CD4: variants seen among roughly 807,000 people sequenced by gnomAD.
The protein encoded by CD4 is CD4 molecule, also known as T-cell surface glycoprotein CD4.
In CD4, 25 loss-of-function variants were observed where a neutral mutation model predicts 50.5. The ratio of observed to expected loss-of-function variants is 0.49; its 90% CI spans 0.36 to 0.69. The LOEUF is 0.69. Among genes scored for constraint, CD4 ranks in the 30% least tolerant of loss-of-function variants. CD4 has a pLI of 0.00. For synonymous variants in CD4, 207 were observed against 221.9 expected (o/e 0.93, Z 0.60); for missense variants, 456 against 548.5 (o/e 0.83, Z 1.68).
In CD4 at chr12:6,800,432, A is replaced by G; in HGVS notation, c.175A>G (p.Ile59Val). Reference sequence around the variant, plus strand: ...ATTCCACTGGAAAAACTCCAACCAGATAAAGATTCTGGGAAATCAGGGCTC... The same window carrying G: ...ATTCCACTGGAAAAACTCCAACCAGGTAAAGATTCTGGGAAATCAGGGCTC... The part of the protein sequence containing the change: ...IQFHWKNSNQ[I>V]KILGNQGSFL... The change falls in exon 3 of 10, where the codon ATA (isoleucine) becomes GTA (valine). Residue 59 changes from isoleucine to valine, a missense_variant. By Grantham distance (29) the Ile-to-Val change is conservative (BLOSUM62 3). Transcript: ENST00000011653. The G allele has an allele frequency of 1.9e-6, 3 of 1,614,074 alleles. No individual in the cohort carries two copies. Among genetic ancestry groups the G allele is most frequent in the Non-Finnish European group, 2.5e-6 (3 of 1,180,004 alleles).
chr12:6,801,911 T>C (rs35496500), intron 3 of CD4, among the ~76,000 whole-genome samples: 1,996 of 146,268 alleles, frequency 0.014, 24 homozygotes, highest in Non-Finnish European at 0.02. Flanking sequence ...CTCGATCTGT[T>C]GCCCAGGCTG....
chr12:6,794,795 T>G (rs1228570725), intron 1 of CD4, among the ~76,000 whole-genome samples: 16 of 141,166 alleles, frequency 1.1e-4, no homozygotes, highest in African/African-American at 3.3e-4. Context: ...TGTTTTTTTT[T>G]TTTTTTTGAG....
chr12:6,818,426 C>A lies in CD4; in HGVS notation c.1162C>A (p.Pro388Thr). The A allele has an allele frequency of 6.2e-7, 1 of 1,612,504 alleles. No individual in the cohort carries two copies. Among genetic ancestry groups the A allele is most frequent in the Non-Finnish European group, 8.5e-7 (1 of 1,179,992 alleles). Reference sequence around the variant, plus strand: ...CACATTTCTCTCCCTTGCAGTTCTGCCCACATGGTCCACCCCGGTGCAGCC... The same window carrying A: ...CACATTTCTCTCCCTTGCAGTTCTGACCACATGGTCCACCCCGGTGCAGCC... ...VLLESNIKVL[P>T]TWSTPVQPMA... Residue 388 changes from proline to threonine, a missense_variant, in exon 8 of 10, where the codon CCC (proline) becomes ACC (threonine). Pro to Thr is a conservative substitution (Grantham distance 38). Transcript: ENST00000011653. This position sits in a 1 kb window ranked among gnomAD's most constrained non-coding sequence, Gnocchi z 5.0.
chr12:6,791,400 G>A lies in CD4; in HGVS notation c.-68+1738G>A, dbSNP rs1229255189. On this transcript the variant is annotated intron_variant, in intron 1 of 9. Transcript: ENST00000011653. ...TGGGATTACAGGAGCCCAACACCAC[G>A]CCCGGCTACTTTTTGTATTTTTAGT... 3.9e-5 allele frequency among the ~76,000 whole-genome samples: 6 copies of A among 152,048 alleles called. No individual in the cohort carries two copies. In the South Asian group the frequency reaches 6.2e-4, roughly 16 times the overall value.
At chr12:6,815,181 A>G in intron 5 of CD4, 189 bp downstream of exon 5, 1 of 574,110 alleles carries the variant, frequency 1.7e-6, no homozygotes, top group Non-Finnish European at 3.1e-6. Flanking sequence ...GCTGATTGGC[A>G]GCCACCCCTC....
In CD4 at chr12:6,819,200, A is replaced by G. The variant is rs1194159622; in HGVS notation, c.1347-99A>G. On this transcript the variant is annotated intron_variant, in intron 9 of 9. Coordinates refer to ENST00000011653, the MANE Select transcript of CD4 (RefSeq NM_000616.5). ...CCAGGAAAGGCCCTGCTGGAAAGCCACTGGAGCTGTGCTGCGCTGGAAAGG... is the reference window on the plus strand; with the variant it reads ...CCAGGAAAGGCCCTGCTGGAAAGCCGCTGGAGCTGTGCTGCGCTGGAAAGG... 2.0e-5 allele frequency: 25 copies of G among 1,228,606 alleles called. No individual in the cohort carries two copies. The Admixed American group carries it at 3.2e-4, about 16-fold the overall frequency. The allele number at this position is 1,228,606 out of a possible 1,614,324, so 76.1% of individuals were successfully genotyped here.
At chr12:6,815,022 C>T (rs782737779) in intron 5 of CD4, 30 bp downstream of exon 5, 1 of 1,477,646 alleles carries the variant, frequency 6.8e-7, no homozygotes, top group Non-Finnish European at 9.4e-7. Context: ...GCGCAGTCTC[C>T]TCCCTGCCCC....
At chr12:6,813,247 G>A (rs1942991342) in intron 3 of CD4, among the ~76,000 whole-genome samples, 4 of 150,428 alleles carry the variant, frequency 2.7e-5, no homozygotes. Context: ...TTTAGAGATG[G>A]GGTTTCGCCA....
intron 1 of CD4, among the ~76,000 whole-genome samples, chr12:6,796,878 G>T (rs1399579538): frequency 6.6e-6 from 1 of 152,072 alleles, no homozygotes; most frequent in East Asian, 1.9e-4. Flanking sequence ...AGCCTCAAAG[G>T]CTTTTCCCAT....
intron 1 of CD4, among the ~76,000 whole-genome samples, chr12:6,791,790 G>T (rs1942170039): frequency 6.6e-6 from 1 of 152,202 alleles, no homozygotes; most frequent in African/African-American, 2.4e-5. Context: ...GCTGAGGTGG[G>T]AGGATTGCTT....
chr12:6,811,499 T>C (rs1555116979), intron 3 of CD4, among the ~76,000 whole-genome samples: 1 of 141,292 alleles, frequency 7.1e-6, no homozygotes, highest in Non-Finnish European at 1.5e-5. Context: ...TTCTTTTTTT[T>C]TTTTTTTTTT....
At chr12:6,805,708 G>A (rs1334128967) in intron 3 of CD4, among the ~76,000 whole-genome samples, 2 of 152,014 alleles carry the variant, frequency 1.3e-5, no homozygotes, top group Non-Finnish European at 2.9e-5. Context: ...ACATAAGAAA[G>A]ATATCAATTT....
Position 6,817,201 on chromosome 12 carries a change from A to C in CD4, c.1027A>C (p.Lys343Gln), listed in dbSNP as rs1943102630. The C allele has an allele frequency of 1.9e-6, 3 of 1,614,004 alleles. No homozygotes were observed. The highest frequency in any genetic ancestry group is 1.7e-6 in the Non-Finnish European group (2 of 1,179,908). The change falls in exon 7 of 10, where the codon AAA becomes CAA. Residue 343 changes from lysine to glutamine, a missense_variant. Physicochemically the swap from Lys to Gln is moderately conservative, Grantham distance 53. Transcript: ENST00000011653. Reference sequence around the variant, plus strand: ...CTCCCCTAAGCTGATGCTGAGTTTGAAACTGGAGAACAAGGAGGCAAAGGT... The same window carrying C: ...CTCCCCTAAGCTGATGCTGAGTTTGCAACTGGAGAACAAGGAGGCAAAGGT... ...PTSPKLMLSL[K>Q]LENKEAKVSK...
rs1292553607 is a variant in CD4 at position 6,815,925 on chromosome 12, G to A, written c.608-131G>A. 2.3e-5 allele frequency: 35 copies of A among 1,523,556 alleles called. No individual in the cohort carries two copies. The African/African-American group carries it at 4.5e-4, about 20-fold the overall frequency. The allele number at this position is 1,523,556 out of a possible 1,614,324, so 94.4% of individuals were successfully genotyped here. ...GAGGTAGGAAGGAACTGAAGTATCT[G>A]AAGTGACAAGGTGGGTGTCTGGACT... On this transcript the variant is annotated intron_variant, in intron 5 of 9. Coordinates refer to ENST00000011653, the MANE Select transcript of CD4 (RefSeq NM_000616.5).
intron 5 of CD4, 187 bp downstream of exon 5, chr12:6,815,179 G>T (rs781814744): frequency 2.3e-4 from 132 of 574,452 alleles, no homozygotes; most frequent in African/African-American, 2.2e-3. Flanking sequence ...GGGCTGATTG[G>T]CAGCCACCCC....
In CD4 at chr12:6,795,218, CTATT is replaced by C. The variant is rs1942340878; in HGVS notation, c.-67-4851_-67-4848del. On this transcript the variant is annotated intron_variant, in intron 1 of 9. Transcript: ENST00000011653. ...TAATCTGTCTGTATGTTTATCTAAT[CTATT>C]TACCTAATCTATCAATCTATCATCT... Among the ~76,000 whole-genome samples the C allele has an allele frequency of 2.0e-5, 3 of 151,976 alleles. No homozygotes were observed. The South Asian group carries it at 6.2e-4, about 32-fold the overall frequency.
intron 1 of CD4, among the ~76,000 whole-genome samples, chr12:6,796,316 A>G (rs1942375471): frequency 6.6e-6 from 1 of 152,228 alleles, no homozygotes. Context: ...ACTTCAGAGT[A>G]GGCAGATCGT....
In CD4 at chr12:6,814,285, T is replaced by C. The variant is rs1943026038; in HGVS notation, c.358T>C (p.Leu120=). 6.2e-7 allele frequency: 1 copy of C among 1,613,908 alleles called. No homozygotes were observed. Among genetic ancestry groups the C allele is most frequent in the Non-Finnish European group, 8.5e-7 (1 of 1,179,910 alleles). Residue 120 remains leucine (L), a synonymous_variant, in exon 4 of 10, where the codon TTG becomes CTG. Transcript: ENST00000011653. ...EVEDQKEEVQ[L]LVFGLTANSD... The stretch of plus-strand genomic sequence containing the variant: ...GGAGGACCAGAAGGAGGAGGTGCAA[T>C]TGCTAGTGTTCGGATGTGAGTGGGG...
chr12:6,817,767 C>T lies in CD4; in HGVS notation c.1156+437C>T, dbSNP rs782620772. On this transcript the variant is annotated intron_variant, in intron 7 of 9. Transcript: ENST00000011653. ...CGCACACACTCATACACACACTACA[C>T]ACACATCCACACTCACACCCACACT... Among the ~76,000 whole-genome samples, 132 of 140,752 alleles carry T rather than the reference C, an allele frequency of 9.4e-4. 1 individual carries two copies. Among genetic ancestry groups the T allele is most frequent in the African/African-American group, 3.9e-3 (129 of 33,236 alleles). 92.3% of individuals were successfully genotyped at this position (140,752 alleles called of 152,430 possible). A position where few individuals can be genotyped will look rare whatever the true frequency, so the allele number is the denominator to read the frequency against.
Sources: allele counts gnomAD v4.1 joint callset (sites outside exome capture counted in the v4.1 genomes callset), GRCh38; gene constraint gnomAD v4.1.1; non-coding constraint Gnocchi (gnomAD v3.1); transcripts MANE v1.5; gene names NCBI Gene and HGNC (gene_info 2026-07-23, HGNC 2026-07-21).